ANKRD26: variants seen among roughly 807,000 people sequenced by gnomAD.
The protein encoded by ANKRD26 is ankyrin repeat domain-containing protein 26.
In ANKRD26, 141 loss-of-function variants were observed where a neutral mutation model predicts 208.7. The observed-to-expected ratio is 0.68, with a 90% CI of 0.59 to 0.78. The LOEUF is 0.78. Ranked by LOEUF, ANKRD26 falls within the 30% of genes least tolerant of loss-of-function variation. ANKRD26 has a pLI of 0.00. For missense variants in ANKRD26, 1,889 were observed against 1,938.7 expected (o/e 0.97, Z 0.48); for synonymous variants, 636 against 660.4 (o/e 0.96, Z 0.57).
downstream of ANKRD26, among the ~76,000 whole-genome samples, chr10:26,987,775 GA>G (rs1200577392): frequency 6.6e-6 from 1 of 152,150 alleles, no homozygotes; most frequent in African/African-American, 2.4e-5. Flanking sequence ...TAAGTATGAT[GA>G]GAGTTTAGAA....
intron 11 of ANKRD26, 88 bp downstream of exon 11, chr10:27,066,399 T>TA (rs1203194841): frequency 2.0e-6 from 2 of 1,021,348 alleles, no homozygotes; most frequent in East Asian, 2.4e-5. Context: ...TATGCAGAGG[T>TA]AAAAAAGTCA....
intron 15 of ANKRD26, 64 bp from the exon 16 acceptor site, chr10:27,053,454 T>C: frequency 9.8e-7 from 1 of 1,024,642 alleles, no homozygotes; most frequent in Admixed American, 2.2e-5. Context: ...AGGTATAGTC[T>C]TTACAGAAAT....
intron 6 of ANKRD26, 42 bp from the exon 7 acceptor site, chr10:27,079,203 T>C: frequency 6.5e-7 from 1 of 1,539,726 alleles, no homozygotes; most frequent in African/African-American, 1.4e-5. Flanking sequence ...ATTCATTTCT[T>C]TAAAAACAAA....
At chr10:26,982,348 T>C (rs1015543727) in intron 4 of ANKRD26, among the ~76,000 whole-genome samples, 1 of 152,164 alleles carries the variant, frequency 6.6e-6, no homozygotes, top group South Asian at 2.1e-4. Flanking sequence ...GACCCAGTTC[T>C]CTGCTTGACT....
intron 4 of ANKRD26, among the ~76,000 whole-genome samples, chr10:27,089,855 C>T (rs1293691800): frequency 6.6e-6 from 1 of 152,050 alleles, no homozygotes; most frequent in Non-Finnish European, 1.5e-5. Flanking sequence ...TAGCCTTTTG[C>T]TTGATTTCTG....
At chr10:26,999,620 G>C (rs935620295), downstream of ANKRD26, among the ~76,000 whole-genome samples, 9 of 152,034 alleles carry the variant, frequency 5.9e-5, no homozygotes, top group Admixed American at 5.9e-4. Context: ...AACCTCATTG[G>C]AGCCACTGCT....
downstream of ANKRD26, among the ~76,000 whole-genome samples, chr10:26,989,285 C>T (rs1337407381): frequency 6.6e-6 from 1 of 152,230 alleles, no homozygotes; most frequent in African/African-American, 2.4e-5. Context: ...TTTCTCTTTT[C>T]TCCTCTAACA....
At chr10:27,060,215 AT>A in intron 15 of ANKRD26, 129 bp downstream of exon 15, 2 of 905,500 alleles carry the variant, frequency 2.2e-6, no homozygotes, top group South Asian at 1.5e-5. Context: ...TTAAAAAAAA[AT>A]TTTTTTAAAT....
At chr10:27,006,533 G>T (rs1589197625) in intron 33 of ANKRD26, among the ~76,000 whole-genome samples, 2 of 152,160 alleles carry the variant, frequency 1.3e-5, no homozygotes, top group Non-Finnish European at 2.9e-5. Context: ...TAGTGAGTCT[G>T]GGGTCTTTGG....
downstream of ANKRD26, among the ~76,000 whole-genome samples, chr10:26,971,988 C>G (rs1465805413): frequency 6.6e-6 from 1 of 152,126 alleles, no homozygotes; most frequent in Non-Finnish European, 1.5e-5. Context: ...GTAATCCCAG[C>G]ACTTTGGGAG....
intron 15 of ANKRD26, among the ~76,000 whole-genome samples, chr10:27,057,107 A>T (rs1275698124): frequency 6.6e-6 from 1 of 152,348 alleles, no homozygotes; most frequent in South Asian, 2.1e-4. Context: ...TAGAGTCCCA[A>T]TCTGAAAACT....
rs141465730 is a variant in ANKRD26, at chr10:27,016,676, G to C, written c.4506+826C>G. 2.9e-3 allele frequency among the ~76,000 whole-genome samples: 440 copies of C among 152,110 alleles called. 2 individuals carry two copies. Among genetic ancestry groups the C allele is most frequent in the African/African-American group, 9.8e-3 (408 of 41,484 alleles). ...GGGAATTAACTGCAAAAGGGCAAGA[G>C]AGAACTTTCTGGAAATGTTCTCTGT... On this transcript the variant is annotated intron_variant, in intron 30 of 33. Transcript: ENST00000376087.
the ANKRD26 span, among the ~76,000 whole-genome samples, chr10:26,963,482 C>T: frequency 4.6e-5 from 7 of 152,152 alleles, no homozygotes; most frequent in African/African-American, 1.7e-4. Context: ...TGACGAACAC[C>T]TAGTGAAGCT....
At chr10:27,022,220 C>T (rs2053513411) in intron 29 of ANKRD26, among the ~76,000 whole-genome samples, 1 of 152,106 alleles carries the variant, frequency 6.6e-6, no homozygotes, top group African/African-American at 2.4e-5. Context: ...ATGATGAGAA[C>T]ACAGGGACAC....
chr10:27,014,466 T>C, intron 31 of ANKRD26, 28 bp downstream of exon 31: 4 of 1,473,834 alleles, frequency 2.7e-6, no homozygotes, highest in Non-Finnish European at 3.8e-6. Context: ...GCTTAATTTA[T>C]TTCCTATGAT....
chr10:27,070,101 TAAAAAAAAAAA>T (rs34493349), intron 9 of ANKRD26, among the ~76,000 whole-genome samples: 1 of 109,120 alleles, frequency 9.2e-6, no homozygotes, highest in Non-Finnish European at 1.9e-5. Context: ...ACTCTGTATT[TAAAAAAAAAAA>T]AAAAAAAAAA....
intron 4 of ANKRD26, among the ~76,000 whole-genome samples, chr10:27,089,560 G>T (rs2056229190): frequency 6.6e-6 from 1 of 152,240 alleles, no homozygotes; most frequent in Non-Finnish European, 1.5e-5. Context: ...GGAAAGCCAA[G>T]GTTGATGGAT....
chr10:27,009,585 C>T (rs929126611), intron 32 of ANKRD26, among the ~76,000 whole-genome samples: 1 of 152,102 alleles, frequency 6.6e-6, no homozygotes, highest in Non-Finnish European at 1.5e-5. Flanking sequence ...TTGAGGTAGA[C>T]AAGGTGCCAT....
chr10:26,950,839 AT>A, the ANKRD26 span, among the ~76,000 whole-genome samples: 1 of 152,094 alleles, frequency 6.6e-6, no homozygotes, highest in Non-Finnish European at 1.5e-5. Flanking sequence ...TGCCTCCTGT[AT>A]TTCTGTAAAT....
Sources: allele counts gnomAD v4.1 joint callset (sites outside exome capture counted in the v4.1 genomes callset), GRCh38; gene constraint gnomAD v4.1.1; transcripts MANE v1.5; gene names NCBI Gene and HGNC (gene_info 2026-07-23, HGNC 2026-07-21).